HYCC2: variants seen among roughly 807,000 people sequenced by gnomAD.
HYCC2 encodes the protein hyccin 2.
chr2:201,008,919 A>G, the HYCC2 span: 1 of 1,009,056 alleles, frequency 9.9e-7, no homozygotes, highest in South Asian at 1.3e-5. Flanking sequence ...ATTCATATAT[A>G]TATTCATGCA....
the HYCC2 span, among the ~76,000 whole-genome samples, chr2:201,018,439 T>C: frequency 6.6e-6 from 1 of 152,208 alleles, no homozygotes; most frequent in African/African-American, 2.4e-5. Context: ...TTTGGAAATC[T>C]GTTTGAATAT....
the HYCC2 span, chr2:200,978,726 C>G: frequency 2.6e-5 from 4 of 152,148 alleles, no homozygotes; most frequent in Admixed American, 2.6e-4. Context: ...TCACCCACCT[C>G]AGCCTCCCAG....
At chr2:201,017,000 A>G in the HYCC2 span, 1 of 1,611,530 alleles carries the variant, frequency 6.2e-7, no homozygotes, top group African/African-American at 1.3e-5. Flanking sequence ...CCAAATTGTA[A>G]ATTCCTAACA....
chr2:200,992,169 G>T, the HYCC2 span: 1 of 713,870 alleles, frequency 1.4e-6, no homozygotes, highest in African/African-American at 1.8e-5. Context: ...TTAACCAACT[G>T]TTATCATGGA....
the HYCC2 span, among the ~76,000 whole-genome samples, chr2:201,029,140 G>A: frequency 3.3e-5 from 5 of 152,170 alleles, no homozygotes; most frequent in African/African-American, 4.8e-5. Flanking sequence ...TCAAAAAGCG[G>A]GCAAAGCATA....
the HYCC2 span, among the ~76,000 whole-genome samples, chr2:201,042,940 A>G: frequency 6.6e-6 from 1 of 152,300 alleles, no homozygotes; most frequent in East Asian, 1.9e-4. Flanking sequence ...GGTGTACCCA[A>G]CAGCTCATTG....
chr2:200,980,055 T>C, the HYCC2 span: 1 of 152,540 alleles, frequency 6.6e-6, no homozygotes, highest in South Asian at 2.1e-4. Flanking sequence ...TCAAGGTCAG[T>C]ACCCCCTGGT....
chr2:201,051,195 A>G, the HYCC2 span, among the ~76,000 whole-genome samples: 6 of 152,238 alleles, frequency 3.9e-5, no homozygotes, highest in Admixed American at 2.6e-4. Context: ...CACATTCAAT[A>G]TTCAGTTATG....
chr2:200,990,428 G>T, the HYCC2 span, among the ~76,000 whole-genome samples: 1 of 151,952 alleles, frequency 6.6e-6, no homozygotes, highest in African/African-American at 2.4e-5. Flanking sequence ...TTGAAACAAG[G>T]TCTTGCTCTG....
At chr2:201,040,825 C>T in the HYCC2 span, among the ~76,000 whole-genome samples, 7 of 152,154 alleles carry the variant, frequency 4.6e-5, no homozygotes, top group Admixed American at 4.6e-4. Context: ...AGAAAAACCT[C>T]ACTGTATATT....
the HYCC2 span, among the ~76,000 whole-genome samples, chr2:201,012,677 G>A: frequency 6.6e-6 from 1 of 152,028 alleles, no homozygotes; most frequent in Non-Finnish European, 1.5e-5. Context: ...AGGCGTGGTG[G>A]CTCACGCCTG....
the HYCC2 span, chr2:200,979,575 A>G: frequency 6.6e-6 from 1 of 152,446 alleles, no homozygotes; most frequent in Admixed American, 6.6e-5. Flanking sequence ...AATCTATTGT[A>G]ATTTTAATGG....
the HYCC2 span, chr2:201,063,314 C>T: frequency 0.014 from 21,791 of 1,535,634 alleles, 197 homozygotes; most frequent in Non-Finnish European, 0.016. Flanking sequence ...GAATGCAAGG[C>T]CACAGAAGGT....
the HYCC2 span, among the ~76,000 whole-genome samples, chr2:201,047,890 CAAAAAA>C: frequency 1.5e-5 from 1 of 67,896 alleles, no homozygotes; most frequent in African/African-American, 4.4e-5. Context: ...TTAAAATTTG[CAAAAAA>C]AAAAAAAAAA....
the HYCC2 span, among the ~76,000 whole-genome samples, chr2:201,039,681 T>G: frequency 6.6e-6 from 1 of 152,176 alleles, no homozygotes; most frequent in Non-Finnish European, 1.5e-5. Flanking sequence ...CAAATCCAAT[T>G]AATATTTCAA....
chr2:201,053,103 A>G, the HYCC2 span, among the ~76,000 whole-genome samples: 1 of 152,066 alleles, frequency 6.6e-6, no homozygotes, highest in Non-Finnish European at 1.5e-5. Flanking sequence ...ACACAGATCC[A>G]GTACTATCTA....
At chr2:201,057,005 G>T in the HYCC2 span, among the ~76,000 whole-genome samples, 1 of 152,218 alleles carries the variant, frequency 6.6e-6, no homozygotes, top group East Asian at 1.9e-4. Flanking sequence ...TCTAAACATT[G>T]TCAAGTGTGC....
chr2:201,035,131 G>A, the HYCC2 span, among the ~76,000 whole-genome samples: 1 of 152,092 alleles, frequency 6.6e-6, no homozygotes, highest in East Asian at 1.9e-4. Context: ...TGTATTTCCT[G>A]AATTTGAATG....
chr2:201,057,773 G>T, the HYCC2 span, among the ~76,000 whole-genome samples: 1 of 152,086 alleles, frequency 6.6e-6, no homozygotes, highest in Non-Finnish European at 1.5e-5. Flanking sequence ...CATACAGTCT[G>T]CTGGCATTGA....
Sources: allele counts gnomAD v4.1 joint callset (sites outside exome capture counted in the v4.1 genomes callset), GRCh38; gene constraint gnomAD v4.1.1; transcripts MANE v1.5; gene names NCBI Gene and HGNC (gene_info 2026-07-23, HGNC 2026-07-21).